The following MOB3B variants were observed in gnomAD, a reference collection of about 807,000 sequenced individuals.
MOB3B encodes the protein MOB kinase activator 3B.
MOB3B carries 7 observed loss-of-function variants against 18.7 expected under a neutral mutation model. That is an observed-to-expected ratio of 0.37 (90% CI 0.21 to 0.70). MOB3B has a LOEUF of 0.70. MOB3B is among the 30% of genes least tolerant of loss of function. The probability of loss-of-function intolerance (pLI) is 0.52; values close to 1 mark genes in which losing one functional copy is unlikely to be tolerated. For synonymous variants in MOB3B, 111 were observed against 99.9 expected (o/e 1.11, Z -0.66); for missense variants, 253 against 281.3 (o/e 0.90, Z 0.72).
chr9:27,348,673 A>C (rs1333502664), intron 3 of MOB3B, among the ~76,000 whole-genome samples: 1 of 152,064 alleles, frequency 6.6e-6, no homozygotes, highest in African/African-American at 2.4e-5. Flanking sequence ...AAAAAAAAGA[A>C]AGAAAGAAAT....
intron 2 of MOB3B, among the ~76,000 whole-genome samples, chr9:27,367,932 A>G (rs1007203574): frequency 6.6e-6 from 1 of 152,150 alleles, no homozygotes; most frequent in Non-Finnish European, 1.5e-5. Context: ...AGAAGTGCCC[A>G]TGTTTCTCCT....
intron 1 of MOB3B, among the ~76,000 whole-genome samples, chr9:27,461,507 G>A (rs1819287036): frequency 6.6e-6 from 1 of 152,196 alleles, no homozygotes; most frequent in Non-Finnish European, 1.5e-5. Flanking sequence ...AAACCTTGCT[G>A]CCTCATTTTA....
chr9:27,441,131 C>T (rs1418331873), intron 2 of MOB3B, among the ~76,000 whole-genome samples: 2 of 152,172 alleles, frequency 1.3e-5, no homozygotes, highest in Admixed American at 6.5e-5. Context: ...TCCTGCTGTG[C>T]GGCCTGATTC....
chr9:27,449,984 TAA>T (rs35983173), intron 2 of MOB3B, among the ~76,000 whole-genome samples: 55 of 115,634 alleles, frequency 4.8e-4, no homozygotes, highest in Non-Finnish European at 6.2e-4. Context: ...TCTCAAAAAT[TAA>T]AAAAAAAAAA....
At chr9:27,462,750 C>T (rs528874595) in intron 1 of MOB3B, among the ~76,000 whole-genome samples, 1 of 152,328 alleles carries the variant, frequency 6.6e-6, no homozygotes, top group Admixed American at 6.5e-5. Context: ...CTCTTAGCCA[C>T]TAAGTGAACT....
intron 2 of MOB3B, among the ~76,000 whole-genome samples, chr9:27,416,716 T>TG (rs112192578): frequency 0.21 from 32,425 of 151,596 alleles, 4,498 homozygotes; most frequent in East Asian, 0.67. Flanking sequence ...AAGTTTTTTT[T>TG]GTAGAGGCAG....
At chr9:27,381,134 T>C (rs1252114363) in intron 2 of MOB3B, among the ~76,000 whole-genome samples, 1 of 152,098 alleles carries the variant, frequency 6.6e-6, no homozygotes. Context: ...TGCTGAATGG[T>C]GGAAGGAGCA....
rs912087606 is a variant in MOB3B, at chr9:27,329,113, T to C, written c.*1474A>G. ...ACAGAGGGCTTTAACACATTATGAT[T>C]GATAAAACAAAATCAGAGTCATTTA... On this transcript the variant is annotated 3_prime_UTR_variant, in exon 4 of 4. Coordinates refer to ENST00000262244, the MANE Select transcript of MOB3B (RefSeq NM_024761.5). 1.3e-5 allele frequency: 2 copies of C among 152,248 alleles called. No individual in the cohort carries two copies. Among genetic ancestry groups the C allele is most frequent in the Non-Finnish European group, 2.9e-5 (2 of 68,042 alleles). 9.4% of individuals were successfully genotyped at this position (152,248 alleles called of 1,614,324 possible).
At chr9:27,360,362 C>A (rs138753674) in intron 2 of MOB3B, among the ~76,000 whole-genome samples, 2 of 152,204 alleles carry the variant, frequency 1.3e-5, no homozygotes, top group South Asian at 4.1e-4. Context: ...AAAAATTAGC[C>A]GGGCATGTGG....
At chr9:27,466,199 G>A (rs557188906) in intron 1 of MOB3B, among the ~76,000 whole-genome samples, 51 of 152,150 alleles carry the variant, frequency 3.4e-4, no homozygotes, top group South Asian at 1.5e-3. Flanking sequence ...AATTTCTTCC[G>A]CCAGTTACCC....
chr9:27,363,008 C>T (rs1018070479), intron 2 of MOB3B, among the ~76,000 whole-genome samples: 1 of 152,164 alleles, frequency 6.6e-6, no homozygotes, highest in Non-Finnish European at 1.5e-5. Context: ...TGTAACTAAC[C>T]TCATGGCAGC....
Position 27,371,703 on chromosome 9 carries a change from G to A in MOB3B, c.419-12467C>T, listed in dbSNP as rs114063596. Among the ~76,000 whole-genome samples the A allele has an allele frequency of 8.3e-3, 1,269 of 152,286 alleles. 10 individuals carry two copies. The highest frequency in any genetic ancestry group is 0.021 in the South Asian group (103 of 4,826). On this transcript the variant is annotated intron_variant, in intron 2 of 3. Transcript: ENST00000262244. ...TGGGTGTAATATGATCGGGAGTGGC[G>A]TGGACTGTGCCAGCCTGGAGAGTGT... is the stretch of plus-strand genomic sequence containing the variant.
intron 3 of MOB3B, among the ~76,000 whole-genome samples, chr9:27,343,327 A>G (rs199661156): frequency 0.036 from 5,442 of 149,772 alleles, 208 homozygotes; most frequent in African/African-American, 0.097. Flanking sequence ...ACCCAGGGAC[A>G]CAAACACTGC....
At chr9:27,411,270 G>C (rs895575882) in intron 2 of MOB3B, among the ~76,000 whole-genome samples, 3 of 152,180 alleles carry the variant, frequency 2.0e-5, no homozygotes, top group Non-Finnish European at 4.4e-5. Context: ...TTGGAGGGAA[G>C]GGTACTATTG....
chr9:27,337,553 A>T (rs1289389638), intron 3 of MOB3B, among the ~76,000 whole-genome samples: 2 of 152,170 alleles, frequency 1.3e-5, no homozygotes, highest in Non-Finnish European at 2.9e-5. Context: ...CTATTTCCTT[A>T]TCTCAAGATC....
intron 1 of MOB3B, among the ~76,000 whole-genome samples, chr9:27,527,319 A>G (rs1370647263): frequency 2.0e-5 from 3 of 152,188 alleles, no homozygotes; most frequent in African/African-American, 4.8e-5. Flanking sequence ...GATCATTTTC[A>G]TAATGAAATG....
intron 2 of MOB3B, among the ~76,000 whole-genome samples, chr9:27,382,620 T>C (rs1003887191): frequency 6.6e-6 from 1 of 152,004 alleles, no homozygotes; most frequent in African/African-American, 2.4e-5. Flanking sequence ...AGACCAAGAA[T>C]TCAGTGGACC....
chr9:27,514,628 A>C (rs1460249560), intron 1 of MOB3B, among the ~76,000 whole-genome samples: 1 of 152,228 alleles, frequency 6.6e-6, no homozygotes, highest in East Asian at 1.9e-4. Context: ...GGCTCTTTAA[A>C]TGTCAGGGCA....
At chr9:27,362,820 C>T (rs1821292321) in intron 2 of MOB3B, among the ~76,000 whole-genome samples, 1 of 152,186 alleles carries the variant, frequency 6.6e-6, no homozygotes, top group Non-Finnish European at 1.5e-5. Context: ...GGTTCAGAGG[C>T]CAATTCTACA....
Sources: allele counts gnomAD v4.1 joint callset (sites outside exome capture counted in the v4.1 genomes callset), GRCh38; gene constraint gnomAD v4.1.1; transcripts MANE v1.5; gene names NCBI Gene and HGNC (gene_info 2026-07-23, HGNC 2026-07-21).